PPP2R3A: variants seen among roughly 807,000 people sequenced by gnomAD.
PPP2R3A encodes the protein protein phosphatase 2 regulatory subunit B''alpha, also known as serine/threonine-protein phosphatase 2A regulatory subunit B'' subunit alpha.
In PPP2R3A, 80 loss-of-function variants were observed where a neutral mutation model predicts 106.9. That is an observed-to-expected ratio of 0.75 (90% CI 0.62 to 0.90). The LOEUF (loss-of-function observed/expected upper bound fraction) is 0.90. PPP2R3A is among the 40% of genes least tolerant of loss of function. The probability of loss-of-function intolerance (pLI) is 0.00; values close to 1 mark genes in which losing one functional copy is unlikely to be tolerated. For synonymous variants in PPP2R3A, 483 were observed against 468.3 expected (o/e 1.03, Z -0.41); for missense variants, 1,386 against 1,350.4 (o/e 1.03, Z -0.41).
intron 1 of PPP2R3A, among the ~76,000 whole-genome samples, chr3:135,985,196 A>G (rs1937590960): frequency 6.6e-6 from 1 of 152,154 alleles, no homozygotes; most frequent in African/African-American, 2.4e-5. Flanking sequence ...ATGTATAAGT[A>G]CTTTAAAATG....
At chr3:136,090,720 G>A in intron 10 of PPP2R3A, 53 bp downstream of exon 10, 1 of 1,461,444 alleles carries the variant, frequency 6.8e-7, no homozygotes. Flanking sequence ...CACAAAGCTT[G>A]AAAAAGTCAT....
intron 1 of PPP2R3A, among the ~76,000 whole-genome samples, chr3:135,968,529 G>A (rs1937155024): frequency 6.6e-6 from 1 of 152,198 alleles, no homozygotes; most frequent in South Asian, 2.1e-4. Context: ...CAGGAACACG[G>A]AGAGTGATGA....
chr3:135,966,199 C>T (rs1406181067), intron 1 of PPP2R3A, among the ~76,000 whole-genome samples: 2 of 152,176 alleles, frequency 1.3e-5, no homozygotes, highest in East Asian at 3.9e-4. Context: ...GCCAGTTCGC[C>T]CGCACAGCCC....
Position 136,026,921 on chromosome 3 carries a change from C to T in PPP2R3A, c.2085C>T (p.Pro695=). 1.2e-6 allele frequency: 2 copies of T among 1,613,546 alleles called. No homozygotes were observed. The change falls in exon 3 of 14, where the codon CCC becomes CCT. Residue 695 remains proline (P), a synonymous_variant. Coordinates refer to ENST00000264977, the MANE Select transcript of PPP2R3A (RefSeq NM_002718.5). ...GTCCCCGACCTCTCTCCCCGGTTCC[C>T]CATGTGAATAATGTTGTGAATGCGC... ...PSSPRPLSPV[P]HVNNVVNAPL...
chr3:136,053,421 CAG>C (rs1377599239), intron 5 of PPP2R3A, among the ~76,000 whole-genome samples: 1 of 152,038 alleles, frequency 6.6e-6, no homozygotes, highest in Admixed American at 6.6e-5. Flanking sequence ...AACCCAGAAT[CAG>C]GAGCTGTGTG....
At chr3:136,072,707 A>G (rs996780476) in intron 6 of PPP2R3A, among the ~76,000 whole-genome samples, 20 of 152,372 alleles carry the variant, frequency 1.3e-4, no homozygotes, top group African/African-American at 4.8e-4. Context: ...TTAGATTCTT[A>G]AGAGTTAGAA....
In PPP2R3A at chr3:136,087,781, C is replaced by T. The variant is rs75706756; in HGVS notation, c.2789-102C>T. 8,973 of 721,400 alleles carry T rather than the reference C, an allele frequency of 0.012. 575 individuals carry two copies. The African/African-American group carries it at 0.14, about 11-fold the overall frequency. The allele number at this position is 721,400 out of a possible 1,614,324, so 44.7% of individuals were successfully genotyped here. A position where few individuals can be genotyped will look rare whatever the true frequency, so the allele number is the denominator to read the frequency against. ...ACATTCTCATCATGGACGATGGTTA[C>T]GGTTTAGCTTGTAGCTAGTGAAAAG... On this transcript the variant is annotated intron_variant, in intron 8 of 13. Transcript: ENST00000264977.
chr3:136,051,438 T>C (rs1472935730), intron 5 of PPP2R3A, among the ~76,000 whole-genome samples: 3 of 152,198 alleles, frequency 2.0e-5, no homozygotes, highest in Non-Finnish European at 2.9e-5. Context: ...CAATTGATTG[T>C]CCTGCCTCAG....
chr3:135,997,203 C>T (rs541950131), intron 1 of PPP2R3A, among the ~76,000 whole-genome samples: 1 of 152,262 alleles, frequency 6.6e-6, no homozygotes, highest in East Asian at 1.9e-4. Context: ...ACCTACACCA[C>T]TTTTTTTGAC....
Position 136,040,855 on chromosome 3 carries a change from G to T in PPP2R3A, c.2263-4G>T. 1.2e-5 allele frequency: 19 copies of T among 1,609,030 alleles called. No individual in the cohort carries two copies. The highest frequency in any genetic ancestry group is 1.6e-5 in the Non-Finnish European group (19 of 1,177,780). On this transcript the variant is annotated splice_region_variant and splice_polypyrimidine_tract_variant and intron_variant, in intron 3 of 13. Transcript: ENST00000264977. Reference sequence around the variant, plus strand: ...CTTACCCTGTATGTGTTTTCTATTTGCAGGTCTGTGGCTGTCCTCTCTATT... The same window carrying T: ...CTTACCCTGTATGTGTTTTCTATTTTCAGGTCTGTGGCTGTCCTCTCTATT...
intron 5 of PPP2R3A, among the ~76,000 whole-genome samples, chr3:136,062,372 C>A (rs1209679672): frequency 6.6e-6 from 1 of 152,114 alleles, no homozygotes; most frequent in Non-Finnish European, 1.5e-5. Context: ...CCAAGCAGGT[C>A]TTCTCCATGA....
rs147740524 is a variant in PPP2R3A at position 136,047,587 on chromosome 3, C to T, written c.2367-1672C>T. On this transcript the variant is annotated intron_variant, in intron 4 of 13. Transcript: ENST00000264977. ...TTCTCACTTGTAAGTGGGAGCTAAA[C>T]ATCAAGTACACATGGACATAAAGAT... Among the ~76,000 whole-genome samples the T allele has an allele frequency of 4.5e-3, 678 of 152,266 alleles. 3 individuals are homozygous for T. The highest frequency in any genetic ancestry group is 7.6e-3 in the Non-Finnish European group (516 of 68,014).
rs141070447 is a variant in PPP2R3A at position 136,034,437 on chromosome 3, G to A, written c.2263-6422G>A. Among the ~76,000 whole-genome samples, 843 of 152,298 alleles carry A rather than the reference G, an allele frequency of 5.5e-3. 4 individuals carry two copies. Among genetic ancestry groups the A allele is most frequent in the Middle Eastern group, 0.031 (9 of 294 alleles). ...TAGGTTGTGTCACTATTGTCATTCA[G>A]TTTGAAGAATGTTTTAATTTCCATC... is the stretch of plus-strand genomic sequence containing the variant. On this transcript the variant is annotated intron_variant, in intron 3 of 13. Transcript: ENST00000264977.
intron 13 of PPP2R3A, among the ~76,000 whole-genome samples, chr3:136,135,632 T>C (rs545872683): frequency 6.6e-6 from 1 of 152,288 alleles, no homozygotes; most frequent in South Asian, 2.1e-4. Flanking sequence ...TGAGGCTCAG[T>C]TTCAGAAGGC....
chr3:136,086,307 C>G (rs1936926952), intron 8 of PPP2R3A, among the ~76,000 whole-genome samples: 1 of 152,052 alleles, frequency 6.6e-6, no homozygotes, highest in African/African-American at 2.4e-5. Context: ...CATGGTGAAA[C>G]CCCATCTCTA....
chr3:136,076,486 A>T (rs550142274), intron 6 of PPP2R3A, among the ~76,000 whole-genome samples: 1 of 152,314 alleles, frequency 6.6e-6, no homozygotes, highest in East Asian at 1.9e-4. Context: ...CTAATTAGAG[A>T]CCTTTCTTGG....
chr3:136,136,077 TATA>T (rs1938612957), intron 13 of PPP2R3A, among the ~76,000 whole-genome samples: 2 of 28,198 alleles, frequency 7.1e-5, no homozygotes, highest in African/African-American at 1.1e-4. Flanking sequence ...AAAAAAATTA[TATA>T]TATATATATA....
intron 5 of PPP2R3A, among the ~76,000 whole-genome samples, chr3:136,056,900 A>T (rs1295495220): frequency 2.6e-5 from 4 of 152,190 alleles, no homozygotes; most frequent in Admixed American, 6.5e-5. Flanking sequence ...AACCTTATTT[A>T]AAAATGGGCA....
chr3:135,975,246 T>G (rs1223631981), intron 1 of PPP2R3A, among the ~76,000 whole-genome samples: 3 of 152,108 alleles, frequency 2.0e-5, no homozygotes, highest in South Asian at 2.1e-4. Context: ...AGTGTGTTGA[T>G]TCTACTGAGA....
Sources: gnomAD v4.1 joint callset for allele counts (sites outside exome capture counted in the v4.1 genomes callset) on GRCh38, gnomAD v4.1.1 for gene constraint, MANE v1.5 for transcripts, NCBI Gene and HGNC (gene_info 2026-07-23, HGNC 2026-07-21) for gene names.